The following SORCS1 variants were observed in gnomAD, a reference collection of about 807,000 sequenced individuals.
The protein encoded by SORCS1 is VPS10 domain-containing receptor SorCS1.
Under a neutral mutation model 146.1 loss-of-function variants are expected in SORCS1, and 60 were observed. That is an observed-to-expected ratio of 0.41 (90% CI 0.33 to 0.51). The LOEUF (loss-of-function observed/expected upper bound fraction) is 0.51, where lower values mean the gene tolerates loss of function less well. Among genes scored for constraint, SORCS1 ranks in the 20% least tolerant of loss-of-function variants. The pLI, the probability that SORCS1 is intolerant of heterozygous loss-of-function variation, is 0.21. For missense variants in SORCS1, 1,352 were observed against 1,487.6 expected, an observed-to-expected ratio of 0.91 and a Z score of 1.50; for synonymous variants, 637 against 584.0, an observed-to-expected ratio of 1.09 and a Z score of -1.31.
chr10:106,920,448 G>A (rs183069415), intron 2 of SORCS1, among the ~76,000 whole-genome samples: 2 of 152,146 alleles, frequency 1.3e-5, no homozygotes, highest in Admixed American at 6.5e-5. Flanking sequence ...TAAAATGTCC[G>A]GCTGAAGATA....
At chr10:106,928,444 G>A (rs1335630527) in intron 2 of SORCS1, among the ~76,000 whole-genome samples, 2 of 152,210 alleles carry the variant, frequency 1.3e-5, no homozygotes, top group African/African-American at 2.4e-5. Context: ...CGCAAGCGCC[G>A]AGCACAGCCC....
intron 1 of SORCS1, among the ~76,000 whole-genome samples, chr10:107,136,327 CA>C (rs1967295852): frequency 1.3e-5 from 2 of 152,092 alleles, no homozygotes; most frequent in South Asian, 4.1e-4. Flanking sequence ...TCCTAAAAAC[CA>C]AAAAGAATGA....
chr10:106,704,372 T>G (rs1342095616), intron 8 of SORCS1, among the ~76,000 whole-genome samples: 1 of 152,196 alleles, frequency 6.6e-6, no homozygotes, highest in Non-Finnish European at 1.5e-5. Flanking sequence ...AGCATTTGAT[T>G]TCCACCAAAA....
At position 106,960,904 on chromosome 10, in the gene SORCS1, T is replaced by C. The variant is rs1955192648; in HGVS notation, c.559-4324A>G. ...TTTCATAACCCGGGCTCCCAAACTA[T>C]TAGTGACCCTTTGCTCAGGCCCTTA... On this transcript the variant is annotated intron_variant, in intron 1 of 25. Transcript: ENST00000263054. This position sits in a 1 kb window ranked among gnomAD's most constrained non-coding sequence, Gnocchi z 4.4. Among the ~76,000 whole-genome samples, 2 of 152,142 alleles carry C rather than the reference T, an allele frequency of 1.3e-5. No homozygotes were observed. The highest frequency in any genetic ancestry group is 4.8e-5 in the African/African-American group (2 of 41,430).
intron 1 of SORCS1, among the ~76,000 whole-genome samples, chr10:107,154,993 A>T (rs1969166186): frequency 6.6e-6 from 1 of 152,220 alleles, no homozygotes; most frequent in Non-Finnish European, 1.5e-5. Context: ...TGGATAGTAG[A>T]GTCGGCAATT....
intron 14 of SORCS1, among the ~76,000 whole-genome samples, chr10:106,674,127 T>A (rs1205831353): frequency 7.0e-6 from 1 of 142,876 alleles, no homozygotes; most frequent in African/African-American, 2.6e-5. Context: ...CCATCCTGGC[T>A]AACGTGGTGA....
At chr10:106,876,467 G>T (rs1950592436) in intron 2 of SORCS1, among the ~76,000 whole-genome samples, 1 of 152,306 alleles carries the variant, frequency 6.6e-6, no homozygotes, top group African/African-American at 2.4e-5. Flanking sequence ...AGGATCTAGA[G>T]ATGGATTTTT....
chr10:106,676,666 C>T (rs1485217975), intron 13 of SORCS1, among the ~76,000 whole-genome samples: 3 of 152,136 alleles, frequency 2.0e-5, no homozygotes, highest in African/African-American at 7.2e-5. Context: ...CTCTCTCTTT[C>T]CTACCTCCAC....
chr10:106,612,600 C>A (rs2133426823), intron 21 of SORCS1, among the ~76,000 whole-genome samples: 1 of 151,988 alleles, frequency 6.6e-6, no homozygotes, highest in South Asian at 2.1e-4. Context: ...GTGGGGGCAG[C>A]CATGTTGCCA....
At chr10:106,806,453 C>G (rs932403370) in intron 3 of SORCS1, among the ~76,000 whole-genome samples, 1 of 146,122 alleles carries the variant, frequency 6.8e-6, no homozygotes, top group Non-Finnish European at 1.5e-5. Context: ...CGTCTACCTA[C>G]CCATGGATAT....
intron 2 of SORCS1, among the ~76,000 whole-genome samples, chr10:106,910,137 CCT>C (rs1206089346): frequency 6.6e-6 from 1 of 152,138 alleles, no homozygotes; most frequent in African/African-American, 2.4e-5. Flanking sequence ...ATTTTGCTCT[CCT>C]TGGCACATGC....
upstream of SORCS1, among the ~76,000 whole-genome samples, chr10:107,169,094 CTG>C (rs1970108194): frequency 6.6e-6 from 1 of 152,182 alleles, no homozygotes; most frequent in Non-Finnish European, 1.5e-5. Context: ...TACAGGTTAA[CTG>C]TCTCATTGGT....
chr10:107,075,877 G>A (rs1303483117), intron 1 of SORCS1, among the ~76,000 whole-genome samples: 3 of 151,820 alleles, frequency 2.0e-5, no homozygotes, highest in Admixed American at 6.6e-5. Flanking sequence ...TTCAGGCAAC[G>A]ATTTTCTTAG....
chr10:107,173,852 G>A, the SORCS1 span, among the ~76,000 whole-genome samples: 2 of 152,092 alleles, frequency 1.3e-5, no homozygotes, highest in African/African-American at 2.4e-5. Flanking sequence ...AAGTGACTAC[G>A]TGTGTGTGAT....
chr10:106,611,876 G>T (rs770083775), intron 22 of SORCS1, 35 bp downstream of exon 22: 2 of 1,484,548 alleles, frequency 1.3e-6, no homozygotes, highest in African/African-American at 1.4e-5. Context: ...GAGAGAAAAG[G>T]TACCCGGGCA....
intron 1 of SORCS1, among the ~76,000 whole-genome samples, chr10:107,152,771 C>T (rs1968930330): frequency 6.6e-6 from 1 of 152,230 alleles, no homozygotes; most frequent in Admixed American, 6.5e-5. Context: ...ATCACCCAGT[C>T]ATGGGTATGT....
chr10:106,747,843 G>A (rs1315036184), intron 5 of SORCS1, among the ~76,000 whole-genome samples: 1 of 151,480 alleles, frequency 6.6e-6, no homozygotes, highest in Non-Finnish European at 1.5e-5. Flanking sequence ...TGAGAAGATG[G>A]ATATGCTAAT....
intron 1 of SORCS1, among the ~76,000 whole-genome samples, chr10:107,039,558 G>A (rs1959071124): frequency 6.6e-6 from 1 of 152,142 alleles, no homozygotes; most frequent in Non-Finnish European, 1.5e-5. Context: ...CAATCTTTCT[G>A]GAAAAGCAGC....
intron 1 of SORCS1, among the ~76,000 whole-genome samples, chr10:107,099,463 G>T (rs1393027785): frequency 1.3e-5 from 2 of 152,052 alleles, no homozygotes; most frequent in African/African-American, 4.8e-5. Context: ...TAGACCTTTA[G>T]CCTTTAGCCA....
Sources: allele counts gnomAD v4.1 joint callset (sites outside exome capture counted in the v4.1 genomes callset), GRCh38; gene constraint gnomAD v4.1.1; non-coding constraint Gnocchi (gnomAD v3.1); transcripts MANE v1.5; gene names NCBI Gene and HGNC (gene_info 2026-07-23, HGNC 2026-07-21).